The following MAML3 variants were observed in gnomAD, a reference collection of about 807,000 sequenced individuals.
MAML3 encodes the protein mastermind-like protein 3.
In MAML3, 27 loss-of-function variants were observed where a neutral mutation model predicts 101.9. The observed-to-expected ratio is 0.27, with a 90% CI of 0.20 to 0.37. MAML3 has a LOEUF of 0.37. MAML3 is among the 10% of genes least tolerant of loss of function. The probability of loss-of-function intolerance (pLI) is 1.00; values close to 1 mark genes in which losing one functional copy is unlikely to be tolerated. For missense variants in MAML3, 1,316 were observed against 1,444.9 expected (o/e 0.91, Z 1.45); for synonymous variants, 501 against 555.9 (o/e 0.90, Z 1.39).
chr4:140,141,160 T>C (rs1283574552), intron 1 of MAML3, among the ~76,000 whole-genome samples: 1 of 152,168 alleles, frequency 6.6e-6, no homozygotes, highest in African/African-American at 2.4e-5. Context: ...ATAATTATTA[T>C]TATCTTAGTG....
At chr4:139,989,850 A>ACACACAC (rs1734625641) in intron 1 of MAML3, among the ~76,000 whole-genome samples, 3 of 122,872 alleles carry the variant, frequency 2.4e-5, no homozygotes, top group African/African-American at 9.3e-5. Context: ...CACACAAACA[A>ACACACAC]ACACACACAC....
chr4:139,990,200 A>C (rs1339460813), intron 1 of MAML3, among the ~76,000 whole-genome samples: 1 of 152,206 alleles, frequency 6.6e-6, no homozygotes, highest in Non-Finnish European at 1.5e-5. Flanking sequence ...ATAACATGTA[A>C]GAAAATGAAG....
At chr4:140,055,859 T>G (rs775008060) in intron 1 of MAML3, among the ~76,000 whole-genome samples, 52 of 143,134 alleles carry the variant, frequency 3.6e-4, no homozygotes, top group Middle Eastern at 7.2e-3. Context: ...GTTAGTAGTT[T>G]AAAAAAAAAA....
rs1728932055 is a variant in MAML3 at position 139,736,081 on chromosome 4, C to T, written c.2080-5414G>A. ...CAATGCATAAACAAAAAGGATGCCC[C>T]AGAAAACCTGTGCTTTTCAGACACA... On this transcript the variant is annotated intron_variant, in intron 2 of 4. Transcript: ENST00000509479. Among the ~76,000 whole-genome samples the T allele has an allele frequency of 3.9e-5, 6 of 152,122 alleles. 1 individual carries two copies. Among genetic ancestry groups the T allele is most frequent in the Admixed American group, 3.9e-4 (6 of 15,274 alleles).
intron 1 of MAML3, among the ~76,000 whole-genome samples, chr4:140,095,690 C>T (rs560879943): frequency 6.6e-6 from 1 of 152,064 alleles, no homozygotes; most frequent in Non-Finnish European, 1.5e-5. Flanking sequence ...CCGAGCCCCC[C>T]AATAACATCT....
chr4:139,978,638 C>T (rs1244458181), intron 1 of MAML3, among the ~76,000 whole-genome samples: 2 of 116,546 alleles, frequency 1.7e-5, no homozygotes, highest in African/African-American at 5.8e-5. Flanking sequence ...AGAGAGAGCA[C>T]ACAACTGCGC....
intron 2 of MAML3, among the ~76,000 whole-genome samples, chr4:139,783,909 G>A (rs916356474): frequency 6.6e-6 from 1 of 152,280 alleles, no homozygotes; most frequent in Middle Eastern, 3.4e-3. Context: ...TGACTCCTCG[G>A]AGGCTCTTCA....
chr4:139,988,097 C>T (rs373332889), intron 1 of MAML3, among the ~76,000 whole-genome samples: 42 of 147,710 alleles, frequency 2.8e-4, no homozygotes, highest in Admixed American at 8.8e-4. Flanking sequence ...TAGGCCGAGG[C>T]GGGCGGATCA....
At chr4:140,092,170 G>A (rs2110983879) in intron 1 of MAML3, among the ~76,000 whole-genome samples, 1 of 146,030 alleles carries the variant, frequency 6.8e-6, no homozygotes, top group East Asian at 2.1e-4. Flanking sequence ...AGGGAAAGAT[G>A]GGAACTCAGA....
intron 2 of MAML3, among the ~76,000 whole-genome samples, chr4:139,839,187 G>A (rs1038130416): frequency 3.3e-5 from 5 of 152,050 alleles, no homozygotes; most frequent in Non-Finnish European, 5.9e-5. Flanking sequence ...CCCCACACAC[G>A]CCCCTCCCCA....
At chr4:139,977,377 C>A (rs778143623) in intron 1 of MAML3, among the ~76,000 whole-genome samples, 1 of 152,070 alleles carries the variant, frequency 6.6e-6, no homozygotes, top group Non-Finnish European at 1.5e-5. Context: ...CCTAAATCAT[C>A]TCTGATAGAG....
chr4:139,811,982 G>T (rs1385795474), intron 2 of MAML3, among the ~76,000 whole-genome samples: 1 of 152,160 alleles, frequency 6.6e-6, no homozygotes, highest in Non-Finnish European at 1.5e-5. Flanking sequence ...TTAAAGAGGT[G>T]CCAGGCATGG....
intron 2 of MAML3, among the ~76,000 whole-genome samples, chr4:139,763,665 T>C (rs917760291): frequency 6.6e-6 from 1 of 152,198 alleles, no homozygotes; most frequent in African/African-American, 2.4e-5. Flanking sequence ...AATCCTGGAC[T>C]GAGAGGGTAT....
intron 1 of MAML3, among the ~76,000 whole-genome samples, chr4:140,020,815 TAAA>T (rs1312891450): frequency 6.6e-6 from 1 of 152,118 alleles, no homozygotes; most frequent in Non-Finnish European, 1.5e-5. Context: ...AAATACAAAT[TAAA>T]AAATTGACTT....
chr4:139,960,814 G>A (rs542986368), intron 1 of MAML3, among the ~76,000 whole-genome samples: 4 of 152,016 alleles, frequency 2.6e-5, no homozygotes, highest in Non-Finnish European at 5.9e-5. Context: ...AGGAAAACCT[G>A]GTGGCAAATA....
At chr4:140,079,380 G>A (rs1301963414) in intron 1 of MAML3, among the ~76,000 whole-genome samples, 3 of 152,066 alleles carry the variant, frequency 2.0e-5, no homozygotes. Flanking sequence ...TGCAACCTCC[G>A]TCTCCCAGGT....
intron 1 of MAML3, among the ~76,000 whole-genome samples, chr4:140,044,199 A>G (rs1727142088): frequency 6.6e-6 from 1 of 152,144 alleles, no homozygotes; most frequent in African/African-American, 2.4e-5. Context: ...TTAAAAGCAG[A>G]AAACTGTTAA....
At chr4:140,115,056 C>G (rs561570952) in intron 1 of MAML3, among the ~76,000 whole-genome samples, 12 of 152,280 alleles carry the variant, frequency 7.9e-5, no homozygotes, top group Admixed American at 7.2e-4. Context: ...TAACATTCCT[C>G]AGGACAAGAC....
chr4:139,996,292 CT>C (rs1734811195), intron 1 of MAML3, among the ~76,000 whole-genome samples: 7 of 152,260 alleles, frequency 4.6e-5, no homozygotes, highest in Non-Finnish European at 8.8e-5. Flanking sequence ...TTCAAGTGTT[CT>C]ATAGCATTGG....
Sources: allele counts gnomAD v4.1 joint callset (sites outside exome capture counted in the v4.1 genomes callset), GRCh38; gene constraint gnomAD v4.1.1; transcripts MANE v1.5; gene names NCBI Gene and HGNC (gene_info 2026-07-23, HGNC 2026-07-21).